The following PRICKLE1 variants were observed in gnomAD, a reference collection of about 807,000 sequenced individuals.
PRICKLE1 encodes prickle-like protein 1.
In PRICKLE1, 14 loss-of-function variants were observed where a neutral mutation model predicts 70.2. The ratio of observed to expected loss-of-function variants is 0.20; its 90% CI spans 0.13 to 0.31. The LOEUF is 0.31. PRICKLE1 is among the 10% of genes least tolerant of loss of function. The probability of loss-of-function intolerance (pLI) is 1.00; values close to 1 mark genes in which losing one functional copy is unlikely to be tolerated. For missense variants in PRICKLE1, 821 were observed against 1,026.2 expected, an observed-to-expected ratio of 0.80 and a Z score of 2.73; for synonymous variants, 357 against 379.9, an observed-to-expected ratio of 0.94 and a Z score of 0.70.
intron 1 of PRICKLE1, among the ~76,000 whole-genome samples, chr12:42,549,044 G>C (rs1940260392): frequency 6.6e-6 from 1 of 150,812 alleles, no homozygotes; most frequent in Non-Finnish European, 1.5e-5. Flanking sequence ...GCTTGAACCT[G>C]GGAGGCAGAG....
intron 1 of PRICKLE1, among the ~76,000 whole-genome samples, chr12:42,581,654 G>A (rs1254417394): frequency 6.6e-6 from 1 of 151,826 alleles, no homozygotes; most frequent in Admixed American, 6.6e-5. Context: ...GGCTGAGACA[G>A]GAGAATCTCT....
At chr12:42,498,608 C>A (rs1371554153) in intron 1 of PRICKLE1, among the ~76,000 whole-genome samples, 1 of 152,200 alleles carries the variant, frequency 6.6e-6, no homozygotes, top group Admixed American at 6.5e-5. Context: ...TAGGATGAAA[C>A]CTTGTCTCTA....
chr12:42,534,920 G>C (rs1322497551), intron 1 of PRICKLE1, among the ~76,000 whole-genome samples: 1 of 152,166 alleles, frequency 6.6e-6, no homozygotes, highest in South Asian at 2.1e-4. Context: ...AGATATGTAT[G>C]GTTTTTGACT....
chr12:42,551,164 AC>A (rs1940309077), intron 1 of PRICKLE1, among the ~76,000 whole-genome samples: 1 of 152,196 alleles, frequency 6.6e-6, no homozygotes, highest in African/African-American at 2.4e-5. Flanking sequence ...TATCAGCACC[AC>A]CCTTGTTAAT....
At chr12:42,565,853 G>GC (rs1434594125) in intron 1 of PRICKLE1, among the ~76,000 whole-genome samples, 1 of 152,164 alleles carries the variant, frequency 6.6e-6, no homozygotes, top group African/African-American at 2.4e-5. Context: ...TCTGGGAGCT[G>GC]CGAGGGCTTT....
intron 1 of PRICKLE1, among the ~76,000 whole-genome samples, chr12:42,524,016 C>T (rs1183901822): frequency 1.3e-5 from 2 of 152,230 alleles, no homozygotes; most frequent in Non-Finnish European, 2.9e-5. Flanking sequence ...TTTGTTAACA[C>T]TTTAATTGAA....
At chr12:42,503,628 G>A (rs1021209312) in intron 1 of PRICKLE1, among the ~76,000 whole-genome samples, 1 of 152,152 alleles carries the variant, frequency 6.6e-6, no homozygotes, top group Admixed American at 6.5e-5. Flanking sequence ...TTGTTCTAAG[G>A]AAAGCACTAA....
intron 4 of PRICKLE1, 70 bp from the exon 5 acceptor site, chr12:42,468,899 T>C (rs889142306): frequency 4.1e-6 from 6 of 1,462,544 alleles, no homozygotes; most frequent in Non-Finnish European, 5.7e-6. Flanking sequence ...TTTCCTACTT[T>C]AGGATAAATC....
chr12:42,481,192 T>C (rs575613718), intron 1 of PRICKLE1, among the ~76,000 whole-genome samples: 95 of 152,244 alleles, frequency 6.2e-4, no homozygotes, highest in African/African-American at 2.1e-3. Context: ...CATATTGAGG[T>C]TGTAACTGTA....
intron 1 of PRICKLE1, among the ~76,000 whole-genome samples, chr12:42,573,312 A>C (rs1249271167): frequency 2.0e-5 from 3 of 152,166 alleles, no homozygotes; most frequent in African/African-American, 7.2e-5. Flanking sequence ...ACAGACAAGG[A>C]GAAGTCCACA....
Position 42,459,663 on chromosome 12 carries a change from G to A in PRICKLE1, c.*146C>T. ...AATCACACCTTTCAAATGTTAATCT[G>A]ACACTGTAAACAGCAGTTGAGTTCT... is the stretch of plus-strand genomic sequence containing the variant. On this transcript the variant is annotated 3_prime_UTR_variant, in exon 8 of 8. Transcript: ENST00000345127. 1.1e-6 allele frequency: 1 copy of A among 929,936 alleles called. No homozygotes were observed. The highest frequency in any genetic ancestry group is 1.5e-5 in the South Asian group (1 of 65,684). The allele number at this position is 929,936 out of a possible 1,614,324, so 57.6% of individuals were successfully genotyped here.
intron 1 of PRICKLE1, among the ~76,000 whole-genome samples, chr12:42,497,374 T>C (rs2140177442): frequency 6.6e-6 from 1 of 151,926 alleles, no homozygotes; most frequent in East Asian, 1.9e-4. Context: ...TGAAACCCTG[T>C]CTCTACTAAA....
intron 1 of PRICKLE1, among the ~76,000 whole-genome samples, chr12:42,528,550 CA>C (rs1392673990): frequency 6.6e-6 from 1 of 152,134 alleles, no homozygotes; most frequent in African/African-American, 2.4e-5. Context: ...AATGTCATTT[CA>C]TAATAAAACA....
intron 1 of PRICKLE1, among the ~76,000 whole-genome samples, chr12:42,506,262 T>TG (rs1463108573): frequency 2.2e-4 from 32 of 146,224 alleles, no homozygotes; most frequent in Middle Eastern, 3.5e-3. Flanking sequence ...TTTCTTTCTT[T>TG]TTTTTTTTTT....
chr12:42,506,071 G>C (rs1300935949), intron 1 of PRICKLE1, among the ~76,000 whole-genome samples: 2 of 152,054 alleles, frequency 1.3e-5, no homozygotes, highest in African/African-American at 4.8e-5. Context: ...ATTCTACCCG[G>C]ACATCGCAAA....
intron 5 of PRICKLE1, among the ~76,000 whole-genome samples, chr12:42,466,650 T>C (rs1938106906): frequency 6.6e-6 from 1 of 152,200 alleles, no homozygotes; most frequent in South Asian, 2.1e-4. Context: ...CGGAGGTAAT[T>C]CATTTGGTCA....
At chr12:42,513,302 C>A (rs1412307021) in intron 1 of PRICKLE1, among the ~76,000 whole-genome samples, 1 of 152,128 alleles carries the variant, frequency 6.6e-6, no homozygotes, top group Non-Finnish European at 1.5e-5. Flanking sequence ...ACCTCCCACC[C>A]CACTAGAATG....
rs1350092677 is a variant in PRICKLE1 at position 42,465,118 on chromosome 12, AC to A, written c.915del (p.Cys306AlafsTer51). ...PKQGQIYCSK[T>X]CSLGEDVHAS... is the part of the protein sequence containing the mutation. ...GCATGGACGTCTTCACCAAGACTGC[AC>A]GTTTTTGAGCAGTAAATCTGACCCT... On this transcript the variant is annotated frameshift_variant, in exon 7 of 8. Coordinates refer to ENST00000345127, the MANE Select transcript of PRICKLE1 (RefSeq NM_153026.3). LOFTEE classifies it high-confidence loss of function. 1 of 1,571,814 alleles carries A rather than the reference AC, an allele frequency of 6.4e-7. No individual in the cohort carries two copies. The highest frequency in any genetic ancestry group is 1.4e-5 in the African/African-American group (1 of 73,306).
chr12:42,540,294 T>C (rs1940089848), intron 1 of PRICKLE1, among the ~76,000 whole-genome samples: 1 of 151,930 alleles, frequency 6.6e-6, no homozygotes, highest in African/African-American at 2.4e-5. Flanking sequence ...CAGTTAAGAG[T>C]TTGGGTCTGA....
Sources: allele counts gnomAD v4.1 joint callset (sites outside exome capture counted in the v4.1 genomes callset), GRCh38; gene constraint gnomAD v4.1.1; transcripts MANE v1.5; gene names NCBI Gene and HGNC (gene_info 2026-07-23, HGNC 2026-07-21).